The following PSMD14 variants were observed in gnomAD, a reference collection of about 807,000 sequenced individuals.
The protein encoded by PSMD14 is proteasome 26S subunit, non-ATPase 14.
Under a neutral mutation model 41.2 loss-of-function variants are expected in PSMD14, and 7 were observed. That is an observed-to-expected ratio of 0.17 (90% CI 0.10 to 0.32). The LOEUF (loss-of-function observed/expected upper bound fraction) is 0.32, where lower values mean the gene tolerates loss of function less well. Ranked by LOEUF, PSMD14 falls within the 10% of genes least tolerant of loss-of-function variation. PSMD14 has a pLI of 1.00. For synonymous variants in PSMD14, 114 were observed against 122.3 expected, an observed-to-expected ratio of 0.93 and a Z score of 0.45; for missense variants, 139 against 375.6, an observed-to-expected ratio of 0.37 and a Z score of 5.21.
chr2:161,311,352 A>T (rs1194243867), intron 1 of PSMD14, among the ~76,000 whole-genome samples: 1 of 152,114 alleles, frequency 6.6e-6, no homozygotes, highest in Non-Finnish European at 1.5e-5. Context: ...ACATGTATAG[A>T]CATTTTTTTT....
intron 3 of PSMD14, among the ~76,000 whole-genome samples, chr2:161,320,026 T>G (rs1333306812): frequency 6.6e-6 from 1 of 152,202 alleles, no homozygotes; most frequent in Non-Finnish European, 1.5e-5. Flanking sequence ...TCAAGAGGCC[T>G]AAGCCTCTTT....
chr2:161,359,730 T>G (rs1683262775), intron 3 of PSMD14, among the ~76,000 whole-genome samples: 1 of 152,124 alleles, frequency 6.6e-6, no homozygotes, highest in Non-Finnish European at 1.5e-5. Context: ...TGGCTCCAGG[T>G]GGCAGAGGAT....
In PSMD14 at chr2:161,337,601, A is replaced by G. The variant is rs112591385; in HGVS notation, c.48+18728A>G. ...ATTCAGATTGTTAATAGGCATTGCT[A>G]TCTTTGTATACTGAACTTATAGGAA... On this transcript the variant is annotated intron_variant, in intron 3 of 11. Coordinates refer to ENST00000409682, the MANE Select transcript of PSMD14 (RefSeq NM_005805.6). Among the ~76,000 whole-genome samples the G allele has an allele frequency of 1.5e-3, 222 of 152,342 alleles. 2 individuals carry two copies. The highest frequency in any genetic ancestry group is 2.5e-3 in the Non-Finnish European group (167 of 68,026).
rs115041848 is a variant in PSMD14, at chr2:161,351,933, G to A, written c.49-15545G>A. Among the ~76,000 whole-genome samples, 830 of 152,234 alleles carry A rather than the reference G, an allele frequency of 5.5e-3. 8 individuals are homozygous for A. The highest frequency in any genetic ancestry group is 0.019 in the African/African-American group (781 of 41,540). On this transcript the variant is annotated intron_variant, in intron 3 of 11. Coordinates refer to ENST00000409682, the MANE Select transcript of PSMD14 (RefSeq NM_005805.6). ...AGTCGTACTATGTGCCTGAGAGAGC[G>A]GAACCAGAAATATTTCAGGGAGAGC...
intron 9 of PSMD14, among the ~76,000 whole-genome samples, chr2:161,394,662 G>A (rs1033812332): frequency 2.6e-5 from 4 of 152,176 alleles, no homozygotes; most frequent in Non-Finnish European, 5.9e-5. Context: ...CCTTTAGTGG[G>A]AGAGAAATGC....
At chr2:161,389,883 T>TTTGTTG (rs1158919504) in intron 8 of PSMD14, among the ~76,000 whole-genome samples, 813 of 50,362 alleles carry the variant, frequency 0.016, 38 homozygotes, top group Non-Finnish European at 0.021. Flanking sequence ...TTCTTTCTTT[T>TTTGTTG]TTGTTGTTTT....
intron 3 of PSMD14, among the ~76,000 whole-genome samples, chr2:161,329,930 T>G (rs1030333599): frequency 2.6e-5 from 4 of 152,164 alleles, no homozygotes; most frequent in Non-Finnish European, 5.9e-5. Context: ...TCAAATCTAG[T>G]CTTGAGGGTT....
intron 3 of PSMD14, among the ~76,000 whole-genome samples, chr2:161,358,347 A>C (rs1305369192): frequency 6.6e-6 from 1 of 152,176 alleles, no homozygotes; most frequent in Non-Finnish European, 1.5e-5. Context: ...GTTATAACTT[A>C]AGTCTAACTT....
intron 3 of PSMD14, among the ~76,000 whole-genome samples, chr2:161,334,901 T>A (rs941305773): frequency 3.9e-5 from 6 of 152,236 alleles, no homozygotes; most frequent in African/African-American, 1.4e-4. Context: ...CCTTAATTCC[T>A]CAGAAACAGG....
chr2:161,352,564 G>A (rs1683134628), intron 3 of PSMD14, among the ~76,000 whole-genome samples: 1 of 151,884 alleles, frequency 6.6e-6, no homozygotes, highest in Admixed American at 6.6e-5. Context: ...TAAGGACTAG[G>A]ACCACATCTA....
chr2:161,393,201 CTTTG>C (rs1246379582), intron 9 of PSMD14, among the ~76,000 whole-genome samples: 1 of 152,118 alleles, frequency 6.6e-6, no homozygotes, highest in Non-Finnish European at 1.5e-5. Flanking sequence ...TGGGAACTGT[CTTTG>C]TTTGCTTTTG....
At chr2:161,383,086 C>A (rs1324056001) in intron 7 of PSMD14, 1 of 151,306 alleles carries the variant, frequency 6.6e-6, no homozygotes, top group Admixed American at 6.6e-5. Context: ...TTAACACCTT[C>A]TTCACCCATT....
chr2:161,393,491 C>T (rs934175036), intron 9 of PSMD14, among the ~76,000 whole-genome samples: 2 of 152,024 alleles, frequency 1.3e-5, no homozygotes, highest in Non-Finnish European at 2.9e-5. Flanking sequence ...TCTTCAAAAG[C>T]CTTATAGGTG....
intron 3 of PSMD14, among the ~76,000 whole-genome samples, chr2:161,356,180 A>G (rs1346462446): frequency 6.6e-6 from 1 of 152,184 alleles, no homozygotes; most frequent in Admixed American, 6.5e-5. Context: ...TTAATGACCT[A>G]GCCTTGCTGG....
chr2:161,353,328 A>G (rs1265276019), intron 3 of PSMD14, among the ~76,000 whole-genome samples: 1 of 152,212 alleles, frequency 6.6e-6, no homozygotes, highest in East Asian at 1.9e-4. Flanking sequence ...AGCCAAAAGT[A>G]TGGATAAGGA....
chr2:161,323,202 A>G (rs1016401765), intron 3 of PSMD14, among the ~76,000 whole-genome samples: 3 of 152,188 alleles, frequency 2.0e-5, no homozygotes, highest in African/African-American at 7.2e-5. Context: ...TGCCAAGTCT[A>G]TTGGCCTATT....
chr2:161,318,534 A>C (rs1485052375), intron 2 of PSMD14, among the ~76,000 whole-genome samples: 1 of 152,140 alleles, frequency 6.6e-6, no homozygotes, highest in African/African-American at 2.4e-5. Flanking sequence ...ACAATAAGAA[A>C]ATATAATTAA....
At chr2:161,389,685 T>G (rs1440165925) in intron 8 of PSMD14, among the ~76,000 whole-genome samples, 1 of 151,812 alleles carries the variant, frequency 6.6e-6, no homozygotes. Flanking sequence ...GCTTAAAAAT[T>G]AACATAATGC....
chr2:161,342,990 G>T (rs975628711), intron 3 of PSMD14, among the ~76,000 whole-genome samples: 14 of 151,900 alleles, frequency 9.2e-5, no homozygotes, highest in Admixed American at 2.6e-4. Flanking sequence ...ATGCTCTCTG[G>T]ACCTTTGTGC....
Sources: gnomAD v4.1 joint callset for allele counts (sites outside exome capture counted in the v4.1 genomes callset) on GRCh38, gnomAD v4.1.1 for gene constraint, MANE v1.5 for transcripts, NCBI Gene and HGNC (gene_info 2026-07-23, HGNC 2026-07-21) for gene names.